The following PDE3B variants were observed in gnomAD, a reference collection of about 807,000 sequenced individuals.
The protein encoded by PDE3B is cGMP-inhibited 3',5'-cyclic phosphodiesterase 3B.
Under a neutral mutation model 116.8 loss-of-function variants are expected in PDE3B, and 66 were observed. That is an observed-to-expected ratio of 0.56 (90% confidence interval 0.46 to 0.69). The LOEUF is 0.69. Ranked by LOEUF, PDE3B falls within the 30% of genes least tolerant of loss-of-function variation. The pLI is 0.00. For missense variants in PDE3B, 1,384 were observed against 1,368.1 expected (o/e 1.01, Z -0.18); for synonymous variants, 595 against 533.6 (o/e 1.12, Z -1.59).
At chr11:14,661,759 C>T (rs1853923123) in intron 1 of PDE3B, among the ~76,000 whole-genome samples, 1 of 152,142 alleles carries the variant, frequency 6.6e-6, no homozygotes, top group African/African-American at 2.4e-5. Flanking sequence ...GGGGAAGGGG[C>T]GCCTGCCATT....
At chr11:14,749,880 A>T (rs1857008925) in intron 1 of PDE3B, among the ~76,000 whole-genome samples, 1 of 140,314 alleles carries the variant, frequency 7.1e-6, no homozygotes, top group African/African-American at 2.6e-5. Context: ...ATATTTATAG[A>T]TTTAAAATAA....
chr11:14,700,866 T>G (rs1855340119), intron 1 of PDE3B: 1 of 151,866 alleles, frequency 6.6e-6, no homozygotes. Context: ...AAACTAAAAG[T>G]GGTTAAATAT....
chr11:14,831,649 G>T lies in PDE3B; in HGVS notation c.1966G>T (p.Glu656Ter). ...QSEQQTNIEQ[E>*]VSLDLILVEE... ...TTCCCTGTATGTACAGATTGAACAG[G>T]AAGTATCACTGGACCTGATTTTAGT... is the stretch of plus-strand genomic sequence containing the variant. Residue 656 changes from glutamate to a stop codon, truncating the protein, a stop_gained, in exon 9 of 16, where the codon GAA becomes TAA. Coordinates refer to ENST00000282096, the MANE Select transcript of PDE3B (RefSeq NM_000922.4). LOFTEE classifies it high-confidence loss of function. The T allele has an allele frequency of 6.3e-7, 1 of 1,576,932 alleles. No homozygotes were observed. Among genetic ancestry groups the T allele is most frequent in the Non-Finnish European group, 8.6e-7 (1 of 1,158,320 alleles).
Position 14,854,489 on chromosome 11 carries a change from C to T in PDE3B, c.2521-4554C>T, listed in dbSNP as rs562022108. 1.1e-4 allele frequency among the ~76,000 whole-genome samples: 16 copies of T among 152,126 alleles called. No homozygotes were observed. The South Asian group carries it at 3.3e-3, about 32-fold the overall frequency. ...AGACTCCACAATAAAACATACATAA[C>T]AGCAGAGAGATTACAACTGAAATCT... is the stretch of plus-strand genomic sequence containing the variant. On this transcript the variant is annotated intron_variant, in intron 12 of 15. Coordinates refer to ENST00000282096, the MANE Select transcript of PDE3B (RefSeq NM_000922.4).
intron 14 of PDE3B, among the ~76,000 whole-genome samples, chr11:14,864,621 A>G (rs782622634): frequency 6.6e-6 from 1 of 152,232 alleles, no homozygotes; most frequent in Admixed American, 6.5e-5. Context: ...AGTGCAATCA[A>G]ATTAGAACTC....
intron 1 of PDE3B, among the ~76,000 whole-genome samples, chr11:14,671,342 T>C (rs1326103443): frequency 1.3e-5 from 2 of 152,214 alleles, no homozygotes; most frequent in Admixed American, 1.3e-4. Context: ...AAGGAGCTGG[T>C]TGTGCTGAGG....
intron 1 of PDE3B, among the ~76,000 whole-genome samples, chr11:14,712,302 C>G (rs912875648): frequency 1.3e-5 from 2 of 151,950 alleles, no homozygotes; most frequent in South Asian, 2.1e-4. Flanking sequence ...CTAGGCTGCT[C>G]TTGAACTCCT....
intron 1 of PDE3B, among the ~76,000 whole-genome samples, chr11:14,663,171 A>G (rs1316951097): frequency 6.6e-6 from 1 of 152,184 alleles, no homozygotes; most frequent in Non-Finnish European, 1.5e-5. Flanking sequence ...CTTAAAGAAA[A>G]GAATTTTCAA....
chr11:14,787,935 T>G (rs1858262735), intron 3 of PDE3B, among the ~76,000 whole-genome samples: 1 of 151,868 alleles, frequency 6.6e-6, no homozygotes, highest in Admixed American at 6.6e-5. Context: ...GAAATCATAT[T>G]GATATCAGTA....
chr11:14,701,215 A>G (rs890748453), intron 1 of PDE3B, among the ~76,000 whole-genome samples: 3 of 151,806 alleles, frequency 2.0e-5, no homozygotes, highest in South Asian at 4.1e-4. Flanking sequence ...ATCAGCATGA[A>G]TTAATAAGTT....
intron 1 of PDE3B, among the ~76,000 whole-genome samples, chr11:14,740,240 T>C (rs894032129): frequency 6.6e-6 from 1 of 152,216 alleles, no homozygotes; most frequent in African/African-American, 2.4e-5. Context: ...CTGGACTTTT[T>C]TTGGTTGGTA....
At chr11:14,696,340 G>C (rs1189149582) in intron 1 of PDE3B, among the ~76,000 whole-genome samples, 1 of 151,944 alleles carries the variant, frequency 6.6e-6, no homozygotes, top group Non-Finnish European at 1.5e-5. Context: ...ATCCTTTGTA[G>C]GGTAGGTATA....
At chr11:14,664,332 C>T (rs1186555973) in intron 1 of PDE3B, among the ~76,000 whole-genome samples, 2 of 152,016 alleles carry the variant, frequency 1.3e-5, no homozygotes, top group Non-Finnish European at 2.9e-5. Flanking sequence ...CCAAAATTGA[C>T]ACCCTAATAT....
At chr11:14,838,064 C>T (rs913941494) in intron 11 of PDE3B, among the ~76,000 whole-genome samples, 10 of 151,940 alleles carry the variant, frequency 6.6e-5, no homozygotes, top group Middle Eastern at 6.8e-3. Context: ...GTGCAAGCGC[C>T]GCCTCCTGGG....
At chr11:14,772,075 G>T in intron 2 of PDE3B, 88 bp downstream of exon 2, 1 of 634,376 alleles carries the variant, frequency 1.6e-6, no homozygotes, top group Admixed American at 2.9e-5. Context: ...GACACTTAAA[G>T]TTACACTCAC....
chr11:14,769,592 C>T (rs1402158672), intron 1 of PDE3B, among the ~76,000 whole-genome samples: 1 of 146,006 alleles, frequency 6.8e-6, no homozygotes, highest in Non-Finnish European at 1.5e-5. Flanking sequence ...ACTCCGAATC[C>T]AGGGATATAT....
chr11:14,844,076 T>G, intron 12 of PDE3B, 50 bp downstream of exon 12: 3 of 1,348,402 alleles, frequency 2.2e-6, no homozygotes, highest in Non-Finnish European at 3.2e-6. Flanking sequence ...AAATTTTCAG[T>G]CATGCTGTGT....
chr11:14,869,766 TC>T lies in PDE3B; in HGVS notation c.*109del. 1.2e-6 allele frequency: 1 copy of T among 867,612 alleles called. No individual in the cohort carries two copies. Among genetic ancestry groups the T allele is most frequent in the Non-Finnish European group, 1.8e-6 (1 of 556,996 alleles). 53.7% of individuals were successfully genotyped at this position (867,612 alleles called of 1,614,324 possible). A position where few individuals can be genotyped will look rare whatever the true frequency, so the allele number is the denominator to read the frequency against. Reference sequence around the variant, plus strand: ...CACCGGCTGACTCTCAACTGACCATTCCCATGTGGACAGGCCTTAATACTGT... The same window carrying T: ...CACCGGCTGACTCTCAACTGACCATTCCATGTGGACAGGCCTTAATACTGT... On this transcript the variant is annotated 3_prime_UTR_variant, in exon 16 of 16. Transcript: ENST00000282096.
intron 11 of PDE3B, among the ~76,000 whole-genome samples, chr11:14,835,446 T>A (rs36116790): frequency 2.5e-4 from 31 of 122,502 alleles, no homozygotes; most frequent in South Asian, 4.7e-4. Flanking sequence ...TTAAAAAAAA[T>A]TTTTTTTTTG....
Sources: allele counts gnomAD v4.1 joint callset (sites outside exome capture counted in the v4.1 genomes callset), GRCh38; gene constraint gnomAD v4.1.1; transcripts MANE v1.5; gene names NCBI Gene and HGNC (gene_info 2026-07-23, HGNC 2026-07-21).